The following NDUFAF6 variants were observed in gnomAD, a reference collection of about 807,000 sequenced individuals.
The protein encoded by NDUFAF6 is NADH dehydrogenase (ubiquinone) complex I, assembly factor 6.
NDUFAF6 carries 45 observed loss-of-function variants against 40.8 expected under a neutral mutation model. The observed-to-expected ratio is 1.10, with a 90% CI of 0.87 to 1.42. NDUFAF6 has a LOEUF of 1.42. NDUFAF6 is among the 40% of genes most tolerant of loss of function. The probability of loss-of-function intolerance (pLI) is 0.00; values close to 1 mark genes in which losing one functional copy is unlikely to be tolerated. For synonymous variants in NDUFAF6, 185 were observed against 155.9 expected (o/e 1.19, Z -1.39); for missense variants, 435 against 418.5 (o/e 1.04, Z -0.34).
At chr8:95,065,021 G>A (rs902774275) in intron 9 of NDUFAF6, among the ~76,000 whole-genome samples, 1 of 152,154 alleles carries the variant, frequency 6.6e-6, no homozygotes, top group Non-Finnish European at 1.5e-5. Flanking sequence ...CTGGAGGGTG[G>A]AGCTCCCAGG....
intron 1 of NDUFAF6, among the ~76,000 whole-genome samples, chr8:94,965,409 T>G (rs1164168472): frequency 6.6e-6 from 1 of 152,146 alleles, no homozygotes; most frequent in Non-Finnish European, 1.5e-5. Context: ...CTTGGATGAC[T>G]GCTTCTGGAA....
chr8:95,047,433 C>G (rs1280679651), intron 6 of NDUFAF6, among the ~76,000 whole-genome samples: 1 of 151,290 alleles, frequency 6.6e-6, no homozygotes, highest in Non-Finnish European at 1.5e-5. Flanking sequence ...TCACCTTAGC[C>G]TGTTCTTTAT....
exon 10 of NDUFAF6, chr8:95,075,642 G>C: frequency 7.8e-7 from 1 of 1,288,448 alleles, no homozygotes. Flanking sequence ...GGAAATTAAG[G>C]ATGCAGACAC....
chr8:94,906,718 A>G (rs1818416706), intron 1 of NDUFAF6, among the ~76,000 whole-genome samples: 1 of 152,218 alleles, frequency 6.6e-6, no homozygotes, highest in Non-Finnish European at 1.5e-5. Context: ...GGTGGTTCCT[A>G]GTAATGAAAG....
intron 1 of NDUFAF6, among the ~76,000 whole-genome samples, chr8:94,936,834 G>A (rs745616117): frequency 1.3e-5 from 2 of 152,146 alleles, no homozygotes; most frequent in African/African-American, 2.4e-5. Flanking sequence ...AGTGGTACAG[G>A]CAGTGCAGAG....
rs891738519 is a variant in NDUFAF6, at chr8:95,025,038, G to T, written c.30G>T (p.Trp10Cys). 7.1e-7 allele frequency: 1 copy of T among 1,415,508 alleles called. No individual in the cohort carries two copies. The allele number at this position is 1,415,508 out of a possible 1,614,324, so 87.7% of individuals were successfully genotyped here. A position where few individuals can be genotyped will look rare whatever the true frequency, so the allele number is the denominator to read the frequency against. Residue 10 changes from tryptophan to cysteine, a missense_variant, in exon 1 of 9, where the codon TGG (tryptophan) becomes TGT (cysteine). Transcript: ENST00000396124. MAASAHGSV[W>C]GPLRLGIPGL... The stretch of plus-strand genomic sequence containing the variant: ...CGGCCTCCGCGCACGGCTCTGTCTG[G>T]GGGCCGTTGCGGCTTGGCATCCCCG...
intron 9 of NDUFAF6, among the ~76,000 whole-genome samples, chr8:95,065,513 G>T (rs1031244743): frequency 6.6e-6 from 1 of 151,950 alleles, no homozygotes; most frequent in African/African-American, 2.4e-5. Flanking sequence ...TTTTAATTTA[G>T]TAATATAATG....
At chr8:94,921,844 G>C (rs1016799122) in intron 1 of NDUFAF6, among the ~76,000 whole-genome samples, 5 of 152,182 alleles carry the variant, frequency 3.3e-5, no homozygotes, top group Non-Finnish European at 7.3e-5. Context: ...GGAGGCAGAA[G>C]GCCAGCAGTG....
chr8:94,956,867 TG>T (rs1291160906), upstream of NDUFAF6, among the ~76,000 whole-genome samples: 1 of 152,040 alleles, frequency 6.6e-6, no homozygotes, highest in Non-Finnish European at 1.5e-5. Context: ...CTGTGAATAA[TG>T]ATACTATTAA....
intron 7 of NDUFAF6, 150 bp downstream of exon 7, chr8:95,048,708 A>G (rs1587139768): frequency 4.3e-6 from 3 of 704,428 alleles, no homozygotes; most frequent in Non-Finnish European, 7.5e-6. Flanking sequence ...AGTCTGTTGT[A>G]AACTTTTTTC....
At chr8:95,039,604 A>G (rs929631005) in intron 3 of NDUFAF6, among the ~76,000 whole-genome samples, 1 of 151,538 alleles carries the variant, frequency 6.6e-6, no homozygotes, top group African/African-American at 2.4e-5. Context: ...AGTGATACTT[A>G]TAATCAGGAC....
intron 2 of NDUFAF6, among the ~76,000 whole-genome samples, chr8:95,006,816 G>A (rs1448977064): frequency 6.6e-6 from 1 of 152,052 alleles, no homozygotes; most frequent in Non-Finnish European, 1.5e-5. Flanking sequence ...GGAGGCGGAG[G>A]AGGTTGCAAT....
chr8:95,016,620 T>C (rs1410105736), intron 2 of NDUFAF6, among the ~76,000 whole-genome samples: 3 of 152,182 alleles, frequency 2.0e-5, no homozygotes, highest in African/African-American at 7.2e-5. Context: ...CGTGTGCCTG[T>C]AGTCCCAGCT....
At chr8:94,976,836 AT>A (rs1384545156) in intron 1 of NDUFAF6, among the ~76,000 whole-genome samples, 1 of 152,190 alleles carries the variant, frequency 6.6e-6, no homozygotes, top group Non-Finnish European at 1.5e-5. Flanking sequence ...TGTACTTAAT[AT>A]TACTGAACCA....
intron 5 of NDUFAF6, among the ~76,000 whole-genome samples, chr8:95,115,975 C>T (rs7836804): frequency 0.84 from 127,978 of 152,028 alleles, 54,384 homozygotes; most frequent in East Asian, 1. Flanking sequence ...CCGTCTCTAC[C>T]AAAAACACAC....
At chr8:95,083,418 G>A (rs1808941041) in intron 2 of NDUFAF6, among the ~76,000 whole-genome samples, 1 of 152,136 alleles carries the variant, frequency 6.6e-6, no homozygotes, top group Non-Finnish European at 1.5e-5. Context: ...CTCTTTAAAT[G>A]TGTTTAATAC....
downstream of NDUFAF6, among the ~76,000 whole-genome samples, chr8:95,105,066 C>CAGAGAGAG (rs55705930): frequency 1.2e-4 from 9 of 72,768 alleles, no homozygotes; most frequent in Non-Finnish European, 2.4e-4. Context: ...CACACACACA[C>CAGAGAGAG]AGAGAGAGAG....
At chr8:95,075,346 T>A (rs955091763) in intron 9 of NDUFAF6, among the ~76,000 whole-genome samples, 1 of 152,192 alleles carries the variant, frequency 6.6e-6, no homozygotes, top group Non-Finnish European at 1.5e-5. Context: ...ATCATCTTTA[T>A]TAAGAAAAAA....
At chr8:94,943,555 CTT>C (rs1195385551) in intron 1 of NDUFAF6, among the ~76,000 whole-genome samples, 6 of 152,216 alleles carry the variant, frequency 3.9e-5, no homozygotes, top group Admixed American at 3.9e-4. Flanking sequence ...ATCACCACCT[CTT>C]TTTATCACAA....
Sources: allele counts gnomAD v4.1 joint callset (sites outside exome capture counted in the v4.1 genomes callset), GRCh38; gene constraint gnomAD v4.1.1; transcripts MANE v1.5; gene names NCBI Gene and HGNC (gene_info 2026-07-23, HGNC 2026-07-21).